Variants in CADPS observed in about 807,000 individuals in gnomAD.
CADPS encodes calcium-dependent secretion activator 1.
A neutral mutation model predicts 167.3 loss-of-function variants in CADPS; 57 were observed. The ratio of observed to expected loss-of-function variants is 0.34; its 90% CI spans 0.28 to 0.42. The LOEUF (loss-of-function observed/expected upper bound fraction) is 0.42, where lower values mean the gene tolerates loss of function less well. Ranked by LOEUF, CADPS falls within the 20% of genes least tolerant of loss-of-function variation. The probability of loss-of-function intolerance (pLI) is 1.00; values close to 1 mark genes in which losing one functional copy is unlikely to be tolerated. For synonymous variants in CADPS, 676 were observed against 635.3 expected (o/e 1.06, Z -0.96); for missense variants, 1,414 against 1,738.1 (o/e 0.81, Z 3.32).
At chr3:62,683,411 G>A (rs567477979) in intron 3 of CADPS, among the ~76,000 whole-genome samples, 12 of 152,072 alleles carry the variant, frequency 7.9e-5, no homozygotes, top group African/African-American at 2.7e-4. Flanking sequence ...ACAAAGGCTC[G>A]TTTGTGATTA....
chr3:62,436,309 C>A (rs1413505883), intron 28 of CADPS, among the ~76,000 whole-genome samples: 1 of 152,150 alleles, frequency 6.6e-6, no homozygotes, highest in East Asian at 1.9e-4. Flanking sequence ...CACACACACT[C>A]ACACAATAAC....
At chr3:62,557,022 C>G (rs1396427751) in intron 10 of CADPS, among the ~76,000 whole-genome samples, 1,669 of 150,790 alleles carry the variant, frequency 0.011, 26 homozygotes, top group East Asian at 0.064. Context: ...CACACACACA[C>G]ACACACACAC....
intron 3 of CADPS, among the ~76,000 whole-genome samples, chr3:62,695,763 T>C (rs575409395): frequency 6.6e-6 from 1 of 152,140 alleles, no homozygotes; most frequent in East Asian, 1.9e-4. Context: ...CTTGACCTCC[T>C]GGGCTCCAAT....
chr3:62,858,123 G>A (rs971181653), intron 1 of CADPS, among the ~76,000 whole-genome samples: 3 of 152,098 alleles, frequency 2.0e-5, no homozygotes, highest in African/African-American at 4.8e-5. Context: ...AGCTCAAATT[G>A]ACTTACACAA....
At chr3:62,519,041 C>A (rs1166820431) in intron 13 of CADPS, among the ~76,000 whole-genome samples, 1 of 152,126 alleles carries the variant, frequency 6.6e-6, no homozygotes, top group African/African-American at 2.4e-5. Flanking sequence ...CATATATACT[C>A]TATTTGTTAT....
intron 28 of CADPS, among the ~76,000 whole-genome samples, chr3:62,417,020 G>T (rs551614935): frequency 1.3e-5 from 2 of 151,794 alleles, no homozygotes; most frequent in Non-Finnish European, 2.9e-5. Flanking sequence ...CAAGTAGCTG[G>T]GACTACAGGC....
Position 62,592,638 on chromosome 3 carries a change from C to G in CADPS, c.1436G>C (p.Arg479Pro). ...VLALEDKELGRVILHPTPNSP... is the reference protein window; with the variant it reads ...VLALEDKELGPVILHPTPNSP... Reference sequence around the variant, plus strand: ...CCCCTTGTGATAAGAAGTGCTTACCCGCCCAAGCTCCTTGTCCTCCAACGC... The same window carrying G: ...CCCCTTGTGATAAGAAGTGCTTACCGGCCCAAGCTCCTTGTCCTCCAACGC... The change falls in exon 7 of 30, where the codon CGG (arginine) becomes CCG (proline). Residue 479 changes from arginine to proline, a missense_variant and splice_region_variant. By Grantham distance (103) the Arg-to-Pro change is moderately radical. Coordinates refer to ENST00000383710, the MANE Select transcript of CADPS (RefSeq NM_003716.4). 6.2e-7 allele frequency: 1 copy of G among 1,612,346 alleles called. No homozygotes were observed. Among genetic ancestry groups the G allele is most frequent in the Non-Finnish European group, 8.5e-7 (1 of 1,178,480 alleles).
intron 1 of CADPS, chr3:62,779,550 G>T: frequency 5.6e-6 from 3 of 533,850 alleles, no homozygotes; most frequent in South Asian, 4.2e-5. Context: ...TGTATTGTCT[G>T]CCCTCTGCCA....
rs142168433 is a variant in CADPS, at chr3:62,664,208, G to A, written c.889-1814C>T. On this transcript the variant is annotated intron_variant, in intron 3 of 29. Coordinates refer to ENST00000383710, the MANE Select transcript of CADPS (RefSeq NM_003716.4). ...TTTTAGTAGAGATGGGGTTTCACCA[G>A]GTTGGCCAGACTGGTCTGCGAACTC... is the stretch of plus-strand genomic sequence containing the variant. 1.1e-3 allele frequency among the ~76,000 whole-genome samples: 165 copies of A among 152,096 alleles called. 1 individual carries two copies. The highest frequency in any genetic ancestry group is 1.2e-3 in the Non-Finnish European group (83 of 68,006).
chr3:62,766,014 G>A (rs753016725), intron 1 of CADPS, 30 bp from the exon 2 acceptor site: 11 of 1,486,504 alleles, frequency 7.4e-6, no homozygotes, highest in Non-Finnish European at 1.0e-5. Flanking sequence ...AGGGAAATGT[G>A]AGAACTTGTC....
intron 1 of CADPS, among the ~76,000 whole-genome samples, chr3:62,805,548 T>C (rs1576647588): frequency 6.6e-6 from 1 of 152,200 alleles, no homozygotes; most frequent in South Asian, 2.1e-4. Flanking sequence ...GTTTATGAAC[T>C]GCCTTCAATC....
At chr3:62,786,860 A>G (rs1388858323) in intron 1 of CADPS, among the ~76,000 whole-genome samples, 1 of 152,234 alleles carries the variant, frequency 6.6e-6, no homozygotes, top group Non-Finnish European at 1.5e-5. Context: ...ATTTGCTAGC[A>G]GATTTTTAAA....
At chr3:62,415,870 C>A (rs2049965778) in intron 28 of CADPS, among the ~76,000 whole-genome samples, 1 of 152,168 alleles carries the variant, frequency 6.6e-6, no homozygotes. Flanking sequence ...TGGGGATGCT[C>A]TGCAAGTTTC....
chr3:62,711,337 A>G (rs778116327), intron 3 of CADPS, among the ~76,000 whole-genome samples: 3 of 152,206 alleles, frequency 2.0e-5, no homozygotes, highest in Non-Finnish European at 4.4e-5. Flanking sequence ...TTAACACGAT[A>G]TAAATGTTTC....
intron 1 of CADPS, among the ~76,000 whole-genome samples, chr3:62,789,425 A>T (rs1250667111): frequency 6.6e-6 from 1 of 152,222 alleles, no homozygotes; most frequent in East Asian, 1.9e-4. Flanking sequence ...TGTGAGTCTA[A>T]TCAGCACACT....
At chr3:62,810,578 T>C (rs148456551) in intron 1 of CADPS, among the ~76,000 whole-genome samples, 235 of 152,306 alleles carry the variant, frequency 1.5e-3, no homozygotes, top group African/African-American at 5.1e-3. Flanking sequence ...TTCCAGAGCA[T>C]GAATTTCTGA....
chr3:62,417,133 CTCTG>C (rs1480743767), intron 28 of CADPS, among the ~76,000 whole-genome samples: 2 of 152,138 alleles, frequency 1.3e-5, no homozygotes, highest in Admixed American at 1.3e-4. Context: ...CTATGCTGTA[CTCTG>C]TCTGAACACT....
At chr3:62,745,834 T>C (rs2081331331) in intron 3 of CADPS, among the ~76,000 whole-genome samples, 2 of 152,250 alleles carry the variant, frequency 1.3e-5, no homozygotes, top group African/African-American at 4.8e-5. Flanking sequence ...CTGAGCATTG[T>C]GCTAAGTGTT....
intron 3 of CADPS, among the ~76,000 whole-genome samples, chr3:62,683,777 C>T (rs944453134): frequency 6.6e-6 from 1 of 151,988 alleles, no homozygotes; most frequent in African/African-American, 2.4e-5. Context: ...ATGACCTTGA[C>T]AGTTTTGAGT....
Sources: allele counts gnomAD v4.1 joint callset (sites outside exome capture counted in the v4.1 genomes callset), GRCh38; gene constraint gnomAD v4.1.1; transcripts MANE v1.5; gene names NCBI Gene and HGNC (gene_info 2026-07-23, HGNC 2026-07-21).